The following HMCN1 variants were observed in gnomAD, a reference collection of about 807,000 sequenced individuals.
The protein encoded by HMCN1 is hemicentin-1.
A neutral mutation model predicts 625.9 loss-of-function variants in HMCN1; 321 were observed. The observed-to-expected ratio is 0.51, with a 90% CI of 0.47 to 0.56. The LOEUF (loss-of-function observed/expected upper bound fraction) is 0.56. HMCN1 is among the 20% of genes least tolerant of loss of function. HMCN1 has a pLI of 0.00. For missense variants in HMCN1, 6,588 were observed against 6,887.3 expected (o/e 0.96, Z 1.54); for synonymous variants, 2,425 against 2,417.6 (o/e 1.00, Z -0.09).
intron 105 of HMCN1, 112 bp downstream of exon 105, chr1:186,182,399 T>G: frequency 1.7e-6 from 2 of 1,204,710 alleles, no homozygotes; most frequent in Non-Finnish European, 2.4e-6. Context: ...TTCTTACCCA[T>G]TCCCGTGGGT....
rs1656965664 is a variant in HMCN1 at position 185,780,228 on chromosome 1, CA to C, written c.268+45182del. Among the ~76,000 whole-genome samples, 4 of 152,182 alleles carry C rather than the reference CA, an allele frequency of 2.6e-5. No individual in the cohort carries two copies. In the South Asian group the frequency reaches 8.3e-4, roughly 31 times the overall value. ...CTGAGACTTTGCTGAAGTTGCTTAT[CA>C]GCTTAAGGAGATTTTGGGCTGAGAT... On this transcript the variant is annotated intron_variant, in intron 1 of 106. Transcript: ENST00000271588.
intron 6 of HMCN1, among the ~76,000 whole-genome samples, chr1:185,916,395 G>A (rs545906107): frequency 1.6e-4 from 25 of 152,204 alleles, no homozygotes; most frequent in African/African-American, 6.0e-4. Flanking sequence ...TGAGGAAAGT[G>A]GGGGAAAATA....
chr1:186,053,710 C>A, intron 43 of HMCN1, 115 bp from the exon 44 acceptor site: 1 of 971,734 alleles, frequency 1.0e-6, no homozygotes, highest in Non-Finnish European at 1.6e-6. Context: ...GATTATTTTA[C>A]AGTGTCATTT....
At chr1:185,910,641 G>C (rs1158053176) in intron 5 of HMCN1, among the ~76,000 whole-genome samples, 1 of 149,982 alleles carries the variant, frequency 6.7e-6, no homozygotes, top group African/African-American at 2.5e-5. Context: ...CATGACCTCA[G>C]CTCATTGCAA....
chr1:185,735,544 G>A (rs1653500558), intron 1 of HMCN1, among the ~76,000 whole-genome samples: 1 of 152,116 alleles, frequency 6.6e-6, no homozygotes, highest in South Asian at 2.1e-4. Flanking sequence ...TGGAACTGAA[G>A]ACATGAAAAG....
chr1:185,790,648 A>G (rs1657924886), intron 1 of HMCN1, among the ~76,000 whole-genome samples: 1 of 152,062 alleles, frequency 6.6e-6, no homozygotes, highest in Non-Finnish European at 1.5e-5. Flanking sequence ...GGGTGGAACA[A>G]TTTTTCCTTA....
At chr1:186,139,761 A>T (rs1423688600) in intron 89 of HMCN1, among the ~76,000 whole-genome samples, 2 of 152,298 alleles carry the variant, frequency 1.3e-5, no homozygotes, top group East Asian at 3.9e-4. Context: ...GTGATGCCAC[A>T]TTGGTAGGTA....
chr1:185,868,628 T>G (rs963681753), intron 4 of HMCN1, among the ~76,000 whole-genome samples: 10 of 152,188 alleles, frequency 6.6e-5, no homozygotes, highest in African/African-American at 2.4e-4. Context: ...CATGCAGAAC[T>G]GTGAGTCAAT....
chr1:186,130,169 AT>A, intron 84 of HMCN1, 69 bp downstream of exon 84: 1 of 1,592,972 alleles, frequency 6.3e-7, no homozygotes, highest in Non-Finnish European at 8.6e-7. Flanking sequence ...TTGCTTCTTT[AT>A]TTTATGGTAA....
chr1:185,956,311 A>G (rs1281547396), intron 11 of HMCN1, among the ~76,000 whole-genome samples: 2 of 152,108 alleles, frequency 1.3e-5, no homozygotes, highest in African/African-American at 4.8e-5. Flanking sequence ...GTCCTGCAAG[A>G]TGGTCCACCC....
At chr1:186,006,150 A>G (rs959615488) in intron 29 of HMCN1, among the ~76,000 whole-genome samples, 1 of 152,122 alleles carries the variant, frequency 6.6e-6, no homozygotes, top group South Asian at 2.1e-4. Flanking sequence ...AAAAAAAAAA[A>G]AAACCTTAAA....
At position 186,114,867 on chromosome 1, in the gene HMCN1, C is replaced by T; in HGVS notation, c.11325C>T (p.Val3775=). The T allele has an allele frequency of 2.5e-6, 4 of 1,614,094 alleles. No individual in the cohort carries two copies. Among genetic ancestry groups the T allele is most frequent in the Non-Finnish European group, 3.4e-6 (4 of 1,179,916 alleles). ...NGFLHIQSAH[V]TDTGRYLCMA... is the part of the protein sequence containing the mutation. ...TCCTTCATATTCAATCAGCACATGT[C>T]ACTGACACTGGACGGTATTTGTGTA... The change falls in exon 74 of 107, where the codon GTC becomes GTT. Residue 3775 remains valine (V), a synonymous_variant. Coordinates refer to ENST00000271588, the MANE Select transcript of HMCN1 (RefSeq NM_031935.3).
intron 93 of HMCN1, among the ~76,000 whole-genome samples, chr1:186,149,867 C>T (rs1462594432): frequency 6.6e-6 from 1 of 152,002 alleles, no homozygotes; most frequent in Non-Finnish European, 1.5e-5. Context: ...AACTGGTGGT[C>T]GATGGAGCAG....
chr1:185,892,248 C>T (rs537804370), intron 4 of HMCN1, among the ~76,000 whole-genome samples: 78 of 151,050 alleles, frequency 5.2e-4, no homozygotes, highest in Non-Finnish European at 8.2e-4. Flanking sequence ...TCTTTGCCTT[C>T]GGTTTGAATG....
chr1:186,000,442 C>CAAATGGTAGA (rs1653099639), intron 26 of HMCN1, among the ~76,000 whole-genome samples: 1 of 151,700 alleles, frequency 6.6e-6, no homozygotes. Context: ...ATTCAAAATT[C>CAAATGGTAGA]AAATGGTAGA....
chr1:185,957,932 TA>T (rs1412320799), intron 11 of HMCN1, among the ~76,000 whole-genome samples: 2 of 152,150 alleles, frequency 1.3e-5, no homozygotes, highest in Non-Finnish European at 2.9e-5. Context: ...CGTGACATGG[TA>T]AGTAGCATGC....
chr1:186,084,868 C>T (rs1659378943), intron 57 of HMCN1, among the ~76,000 whole-genome samples: 1 of 151,998 alleles, frequency 6.6e-6, no homozygotes, highest in South Asian at 2.1e-4. Context: ...CCATTTTATG[C>T]CTCCCCTGGA....
In HMCN1 at chr1:186,090,854, C is replaced by T. The variant is rs765345128; in HGVS notation, c.9824C>T (p.Thr3275Ile). Residue 3275 changes from threonine (T) to isoleucine (I), a missense_variant, in exon 64 of 107, where the codon ACT becomes ATT. Physicochemically the swap from Thr to Ile is moderately conservative, Grantham distance 89. Coordinates refer to ENST00000271588, the MANE Select transcript of HMCN1 (RefSeq NM_031935.3). ...ELVCNANGIP[T>I]PLIQWLKDGK... ...GTCTGCAATGCAAATGGCATTCCTACTCCACTTATTCAATGGCTTAAAGAT... is the reference window on the plus strand; with the variant it reads ...GTCTGCAATGCAAATGGCATTCCTATTCCACTTATTCAATGGCTTAAAGAT... 6.2e-7 allele frequency: 1 copy of T among 1,612,578 alleles called. No individual in the cohort carries two copies. The highest frequency in any genetic ancestry group is 8.5e-7 in the Non-Finnish European group (1 of 1,178,964).
Position 186,144,094 on chromosome 1 carries a change from G to A in HMCN1, c.13925-79G>A. On this transcript the variant is annotated intron_variant, in intron 89 of 106. Coordinates refer to ENST00000271588, the MANE Select transcript of HMCN1 (RefSeq NM_031935.3). ...ATTGGGGACTAATTAGCTCATTACT[G>A]AGTTAATTTATTTATATAATTTTGG... 2.3e-6 allele frequency: 3 copies of A among 1,329,724 alleles called. No homozygotes were observed. In the East Asian group the frequency reaches 7.0e-5, roughly 31 times the overall value. The allele number at this position is 1,329,724 out of a possible 1,614,324, so 82.4% of individuals were successfully genotyped here. A position where few individuals can be genotyped will look rare whatever the true frequency, so the allele number is the denominator to read the frequency against.
Sources: allele counts gnomAD v4.1 joint callset (sites outside exome capture counted in the v4.1 genomes callset), GRCh38; gene constraint gnomAD v4.1.1; transcripts MANE v1.5; gene names NCBI Gene and HGNC (gene_info 2026-07-23, HGNC 2026-07-21).